The following GRIK3 variants were observed in gnomAD, a reference collection of about 807,000 sequenced individuals.
GRIK3 encodes the protein glutamate receptor ionotropic, kainate 3.
Under a neutral mutation model 102.5 loss-of-function variants are expected in GRIK3, and 29 were observed. That is an observed-to-expected ratio of 0.28 (90% CI 0.21 to 0.39). The LOEUF (loss-of-function observed/expected upper bound fraction) is 0.39, where lower values mean the gene tolerates loss of function less well. GRIK3 is among the 10% of genes least tolerant of loss of function. The pLI is 1.00. For missense variants in GRIK3, 908 were observed against 1,252.4 expected, an observed-to-expected ratio of 0.73 and a Z score of 4.15; for synonymous variants, 511 against 504.9, an observed-to-expected ratio of 1.01 and a Z score of -0.16.
At chr1:37,032,495 A>G (rs772948827) in intron 1 of GRIK3, among the ~76,000 whole-genome samples, 31 of 142,118 alleles carry the variant, frequency 2.2e-4, no homozygotes, top group Admixed American at 2.1e-3. Flanking sequence ...CTGGGGGGGG[A>G]AGGGGAGGCT....
chr1:36,911,030 G>A (rs1641340082), intron 1 of GRIK3, among the ~76,000 whole-genome samples: 1 of 152,222 alleles, frequency 6.6e-6, no homozygotes, highest in African/African-American at 2.4e-5. Flanking sequence ...CCTGCTCGGA[G>A]CTGAGCTGTG....
At chr1:36,972,728 A>G (rs1281161200) in intron 1 of GRIK3, among the ~76,000 whole-genome samples, 1 of 152,224 alleles carries the variant, frequency 6.6e-6, no homozygotes, top group Non-Finnish European at 1.5e-5. Flanking sequence ...GACAGGCATT[A>G]TTCTCATTTA....
chr1:36,930,433 T>C (rs1378553574), intron 1 of GRIK3, among the ~76,000 whole-genome samples: 1 of 152,226 alleles, frequency 6.6e-6, no homozygotes, highest in Non-Finnish European at 1.5e-5. Context: ...TCATAAATCC[T>C]AAGTGTCAGA....
intron 11 of GRIK3, among the ~76,000 whole-genome samples, chr1:36,824,596 C>T (rs1031767877): frequency 7.9e-5 from 12 of 152,146 alleles, no homozygotes; most frequent in Non-Finnish European, 1.8e-4. Flanking sequence ...AGGCTGAAAA[C>T]GCCAAGTCAT....
intron 1 of GRIK3, among the ~76,000 whole-genome samples, chr1:36,995,827 C>T (rs139180608): frequency 1.1e-3 from 173 of 152,294 alleles, no homozygotes; most frequent in African/African-American, 4.1e-3. Context: ...TGCATCCTTC[C>T]CAGACCTCAC....
At chr1:36,940,621 G>A (rs1455250054) in intron 1 of GRIK3, among the ~76,000 whole-genome samples, 1 of 152,144 alleles carries the variant, frequency 6.6e-6, no homozygotes, top group South Asian at 2.1e-4. Context: ...GAAAACCTTG[G>A]GGCCTGCCTC....
intron 10 of GRIK3, among the ~76,000 whole-genome samples, chr1:36,832,890 G>T (rs56232540): frequency 0.19 from 28,326 of 152,150 alleles, 3,087 homozygotes; most frequent in African/African-American, 0.3. Flanking sequence ...CCAACGGAGC[G>T]GAAGGCAGTG....
At chr1:36,966,104 G>T (rs550655630) in intron 1 of GRIK3, among the ~76,000 whole-genome samples, 44 of 152,238 alleles carry the variant, frequency 2.9e-4, no homozygotes, top group Non-Finnish European at 4.6e-4. Context: ...AGAGACAGGG[G>T]TATAGGACAT....
At chr1:37,031,157 T>C (rs1642823537) in intron 1 of GRIK3, among the ~76,000 whole-genome samples, 1 of 152,220 alleles carries the variant, frequency 6.6e-6, no homozygotes, top group South Asian at 2.1e-4. Flanking sequence ...CCAAACAATA[T>C]GGCTTGAAAA....
chr1:36,801,998 G>A lies in GRIK3; in HGVS notation c.2613C>T (p.Thr871=), dbSNP rs944305900. 3.7e-6 allele frequency: 6 copies of A among 1,613,938 alleles called. No homozygotes were observed. The highest frequency in any genetic ancestry group is 5.1e-6 in the Non-Finnish European group (6 of 1,179,924). Residue 871 remains threonine, a synonymous_variant, in exon 16 of 16, where the codon ACC becomes ACT. Coordinates refer to ENST00000373091, the MANE Select transcript of GRIK3 (RefSeq NM_000831.4). ...TVADEIRFSL[T]CQRRVKHKPQ... ...GCTTGTGCTTGACTCGACGCTGGCA[G>A]GTAAGGGAGAAACGGATCTCATCGG...
chr1:37,033,189 G>C (rs1642846979), intron 1 of GRIK3, among the ~76,000 whole-genome samples: 1 of 152,268 alleles, frequency 6.6e-6, no homozygotes, highest in Admixed American at 6.5e-5. Context: ...TCTCCGGCGA[G>C]AAGAGACGCG....
chr1:36,950,163 T>C (rs1227670312), intron 1 of GRIK3, among the ~76,000 whole-genome samples: 4 of 152,180 alleles, frequency 2.6e-5, no homozygotes, highest in African/African-American at 9.7e-5. Context: ...ATGACTTTAT[T>C]ACCCCAGTCC....
At chr1:36,939,307 G>A (rs2124321693) in intron 1 of GRIK3, among the ~76,000 whole-genome samples, 1 of 152,324 alleles carries the variant, frequency 6.6e-6, no homozygotes, top group East Asian at 1.9e-4. Flanking sequence ...GGTGCTGGAG[G>A]AAGAAACTCT....
intron 1 of GRIK3, among the ~76,000 whole-genome samples, chr1:36,987,204 G>A (rs1272260917): frequency 2.0e-5 from 3 of 151,426 alleles, no homozygotes; most frequent in East Asian, 3.9e-4. Flanking sequence ...GGGCAGCACT[G>A]AGGTTCGATT....
At chr1:36,865,955 C>G (rs898708293) in intron 5 of GRIK3, among the ~76,000 whole-genome samples, 3 of 152,222 alleles carry the variant, frequency 2.0e-5, no homozygotes, top group Admixed American at 6.5e-5. Context: ...TCTTAGCTCA[C>G]GGTAGCCTCT....
chr1:36,927,933 C>T (rs1362765117), intron 1 of GRIK3, among the ~76,000 whole-genome samples: 9 of 152,104 alleles, frequency 5.9e-5, no homozygotes, highest in Non-Finnish European at 1.2e-4. Flanking sequence ...TCTAGAATTC[C>T]GCCTCCGGAA....
chr1:36,979,575 G>A (rs974691313), intron 1 of GRIK3, among the ~76,000 whole-genome samples: 2 of 152,234 alleles, frequency 1.3e-5, no homozygotes, highest in Non-Finnish European at 2.9e-5. Flanking sequence ...AGACACAGAT[G>A]ATTGGGTGAA....
intron 1 of GRIK3, among the ~76,000 whole-genome samples, chr1:36,891,503 GA>G (rs1220129125): frequency 4.6e-5 from 7 of 151,594 alleles, no homozygotes; most frequent in Non-Finnish European, 8.8e-5. Flanking sequence ...GTTCAAATAA[GA>G]AAAAAAATAT....
intron 1 of GRIK3, among the ~76,000 whole-genome samples, chr1:36,997,602 G>A (rs1279288464): frequency 2.6e-5 from 4 of 152,184 alleles, no homozygotes; most frequent in Admixed American, 2.6e-4. Flanking sequence ...CAGGCAGAGG[G>A]ACTCAGTCCA....
Sources: gnomAD v4.1 joint callset for allele counts (sites outside exome capture counted in the v4.1 genomes callset) on GRCh38, gnomAD v4.1.1 for gene constraint, MANE v1.5 for transcripts, NCBI Gene and HGNC (gene_info 2026-07-23, HGNC 2026-07-21) for gene names.